Variants in CACNA1A observed in about 807,000 individuals in gnomAD.
CACNA1A encodes voltage-dependent P/Q-type calcium channel subunit alpha-1A.
A neutral mutation model predicts 262.4 loss-of-function variants in CACNA1A; 57 were observed. That is an observed-to-expected ratio of 0.22 (90% CI 0.18 to 0.27). The LOEUF is 0.27. Among genes scored for constraint, CACNA1A ranks in the 10% least tolerant of loss-of-function variants. CACNA1A has a pLI of 1.00. For missense variants in CACNA1A, 2,526 were observed against 3,562.8 expected (o/e 0.71, Z 7.41); for synonymous variants, 1,431 against 1,419.3 (o/e 1.01, Z -0.18).
At chr19:13,294,487 CTTTTTTTTTT>C (rs780908964) in intron 19 of CACNA1A, among the ~76,000 whole-genome samples, 3 of 72,554 alleles carry the variant, frequency 4.1e-5, no homozygotes, top group Non-Finnish European at 7.2e-5. Context: ...CTGTACCTGG[CTTTTTTTTTT>C]TTTTTTTTTT....
At chr19:13,483,616 TG>T (rs2145093766) in intron 1 of CACNA1A, among the ~76,000 whole-genome samples, 1 of 152,308 alleles carries the variant, frequency 6.6e-6, no homozygotes, top group Non-Finnish European at 1.5e-5. Flanking sequence ...TCTCTGAATA[TG>T]GTCTTGGGCA....
intron 1 of CACNA1A, among the ~76,000 whole-genome samples, chr19:13,464,189 G>A (rs1445395172): frequency 2.0e-5 from 3 of 152,116 alleles, no homozygotes; most frequent in African/African-American, 4.8e-5. Context: ...GGAGTTTGAG[G>A]ACAGCCTGGG....
intron 10 of CACNA1A, among the ~76,000 whole-genome samples, chr19:13,329,942 T>A (rs917941875): frequency 6.6e-6 from 1 of 152,134 alleles, no homozygotes; most frequent in African/African-American, 2.4e-5. Context: ...CCCCCATGAA[T>A]ACTTCCCGAA....
rs1019174541 is a variant in CACNA1A at position 13,212,363 on chromosome 19, G to A, written c.6189+21C>T. ...CCACCCGGGCCCTGGGAGCCATTGGGGAGTTGGGGGACAGAGGCACCTGAG... is the reference window on the plus strand; with the variant it reads ...CCACCCGGGCCCTGGGAGCCATTGGAGAGTTGGGGGACAGAGGCACCTGAG... On this transcript the variant is annotated intron_variant, in intron 42 of 46. Coordinates refer to ENST00000360228, the MANE Select transcript of CACNA1A (RefSeq NM_001127222.2). The surrounding 1 kb of genome is among the most constrained non-coding windows in gnomAD (Gnocchi z 5.6). 6.2e-7 allele frequency: 1 copy of A among 1,613,254 alleles called. No homozygotes were observed. The highest frequency in any genetic ancestry group is 1.1e-5 in the South Asian group (1 of 90,938).
At chr19:13,243,030 C>T (rs1443935526) in intron 31 of CACNA1A, among the ~76,000 whole-genome samples, 1 of 152,238 alleles carries the variant, frequency 6.6e-6, no homozygotes, top group Non-Finnish European at 1.5e-5. Context: ...CTAACTTCCT[C>T]CACCCCACCT....
intron 36 of CACNA1A, chr19:13,228,825 G>C: frequency 1.5e-6 from 2 of 1,353,490 alleles, no homozygotes; most frequent in Non-Finnish European, 2.1e-6. Flanking sequence ...GGTTAGTGCA[G>C]GCAATGGGTT....
At chr19:13,284,388 A>G (rs2057357246) in intron 21 of CACNA1A, 1 of 152,240 alleles carries the variant, frequency 6.6e-6, no homozygotes, top group African/African-American at 2.4e-5. Context: ...TGAGTTGCCA[A>G]GAGGCAGATT....
In CACNA1A at chr19:13,247,641, A is replaced by G. The variant is rs533991269; in HGVS notation, c.4867-2376T>C. On this transcript the variant is annotated intron_variant, in intron 30 of 46. Coordinates refer to ENST00000360228, the MANE Select transcript of CACNA1A (RefSeq NM_001127222.2). ...CGTGAACCTGGGAGGCAGAGCTTGC[A>G]GTGAGCAGAGATTGCACCACTGCAC... 9.5e-4 allele frequency among the ~76,000 whole-genome samples: 136 copies of G among 142,824 alleles called. 1 individual carries two copies. The highest frequency in any genetic ancestry group is 3.2e-3 in the African/African-American group (124 of 38,796). The allele number at this position is 142,824 out of a possible 152,430, so 93.7% of individuals were successfully genotyped here. A position where few individuals can be genotyped will look rare whatever the true frequency, so the allele number is the denominator to read the frequency against.
chr19:13,227,269 T>C (rs2055489106), intron 37 of CACNA1A, 162 bp downstream of exon 37: 1 of 422,364 alleles, frequency 2.4e-6, no homozygotes, highest in African/African-American at 2.1e-5. Flanking sequence ...TCATGATCAG[T>C]TGACTCGAGA....
chr19:13,491,349 A>C (rs1316144433), intron 1 of CACNA1A, among the ~76,000 whole-genome samples: 1 of 152,134 alleles, frequency 6.6e-6, no homozygotes, highest in Admixed American at 6.5e-5. Context: ...CAGTTCTATA[A>C]AGCTTAGGGG....
intron 24 of CACNA1A, among the ~76,000 whole-genome samples, chr19:13,268,801 C>G (rs887001407): frequency 6.6e-6 from 1 of 152,034 alleles, no homozygotes; most frequent in African/African-American, 2.4e-5. Flanking sequence ...CTCCTCCACA[C>G]CCCCTCATCT....
Position 13,402,835 on chromosome 19 carries a change from C to T in CACNA1A, c.540-31056G>A, listed in dbSNP as rs1327716796. ...ATACATATATACACACATATATATA[C>T]ATATATATACACATATATATATACA... On this transcript the variant is annotated intron_variant, in intron 3 of 46. Coordinates refer to ENST00000360228, the MANE Select transcript of CACNA1A (RefSeq NM_001127222.2). Among the ~76,000 whole-genome samples the T allele has an allele frequency of 1.8e-3, 185 of 102,148 alleles. 2 individuals are homozygous for T. In the East Asian group the frequency reaches 0.032, roughly 17 times the overall value. The allele number at this position is 102,148 out of a possible 152,430, so 67.0% of individuals were successfully genotyped here.
At chr19:13,360,631 C>T (rs186797490) in intron 5 of CACNA1A, among the ~76,000 whole-genome samples, 2 of 152,192 alleles carry the variant, frequency 1.3e-5, no homozygotes, top group Non-Finnish European at 2.9e-5. Context: ...GTGGCCACCA[C>T]CACACCTGGA....
chr19:13,338,915 G>C (rs893680791), intron 6 of CACNA1A, among the ~76,000 whole-genome samples: 1 of 152,134 alleles, frequency 6.6e-6, no homozygotes, highest in Admixed American at 6.5e-5. Context: ...GCCGAGGCTG[G>C]AGTGCAGTGG....
At chr19:13,457,359 C>A (rs1049634114) in intron 1 of CACNA1A, among the ~76,000 whole-genome samples, 1 of 152,192 alleles carries the variant, frequency 6.6e-6, no homozygotes, top group East Asian at 1.9e-4. Context: ...TACCATGTGA[C>A]ACACAGTAAC....
chr19:13,255,725 CTCCCTCCCTCCT>C (rs2056538669), intron 28 of CACNA1A, among the ~76,000 whole-genome samples: 7 of 37,028 alleles, frequency 1.9e-4, no homozygotes, highest in African/African-American at 3.3e-4. Flanking sequence ...CCCTCCTTCT[CTCCCTCCCTCCT>C]TCCCTCCCTC....
chr19:13,209,031 C>T, intron 45 of CACNA1A, 22 bp from the exon 46 acceptor site: 1 of 1,536,822 alleles, frequency 6.5e-7, no homozygotes, highest in South Asian at 1.2e-5. Flanking sequence ...GAGGGTCAGA[C>T]AGACACACAG....
intron 3 of CACNA1A, among the ~76,000 whole-genome samples, chr19:13,402,909 TATATATAC>T (rs2059934261): frequency 8.0e-6 from 1 of 124,706 alleles, no homozygotes; most frequent in African/African-American, 3.2e-5. Flanking sequence ...TATATATATA[TATATATAC>T]TTGCAAGTGA....
At chr19:13,337,564 A>G (rs1237634951) in intron 6 of CACNA1A, among the ~76,000 whole-genome samples, 2 of 152,198 alleles carry the variant, frequency 1.3e-5, no homozygotes, top group African/African-American at 4.8e-5. Context: ...TACATGTGCA[A>G]TGAATCTATT....
Sources: gnomAD v4.1 joint callset for allele counts (sites outside exome capture counted in the v4.1 genomes callset) on GRCh38, gnomAD v4.1.1 for gene constraint, Gnocchi (gnomAD v3.1) non-coding constraint, MANE v1.5 for transcripts, NCBI Gene and HGNC (gene_info 2026-07-23, HGNC 2026-07-21) for gene names.